Variants in ADCK1 observed in about 807,000 individuals in gnomAD.
The protein encoded by ADCK1 is aarF domain containing kinase 1.
A neutral mutation model predicts 52.3 loss-of-function variants in ADCK1; 41 were observed. That is an observed-to-expected ratio of 0.78 (90% CI 0.61 to 1.02). The LOEUF (loss-of-function observed/expected upper bound fraction) is 1.02, where lower values mean the gene tolerates loss of function less well. ADCK1 is among the 50% of genes least tolerant of loss of function. ADCK1 has a pLI of 0.00. For missense variants in ADCK1, 658 were observed against 679.5 expected, an observed-to-expected ratio of 0.97 and a Z score of 0.35; for synonymous variants, 250 against 274.6, an observed-to-expected ratio of 0.91 and a Z score of 0.89.
intron 1 of ADCK1, among the ~76,000 whole-genome samples, chr14:77,812,020 A>G (rs1429295318): frequency 2.0e-5 from 3 of 152,134 alleles, no homozygotes; most frequent in African/African-American, 4.8e-5. Context: ...TTGACAAATA[A>G]TTGTATCTAT....
At chr14:77,908,065 T>G (rs1350531507) in intron 7 of ADCK1, 146 bp downstream of exon 7, 1 of 654,260 alleles carries the variant, frequency 1.5e-6, no homozygotes, top group Admixed American at 2.9e-5. Flanking sequence ...TTATAAACTT[T>G]GAGCAAGAAA....
Position 77,871,081 on chromosome 14 carries a change from G to C in ADCK1, c.423+11802G>C, listed in dbSNP as rs528635452. On this transcript the variant is annotated intron_variant, in intron 4 of 10. Transcript: ENST00000238561. ...TGGCCAACATGGCCAAATGAGTGAGGAATACATGCTTGTCTTAGTTTGGGC... is the reference window on the plus strand; with the variant it reads ...TGGCCAACATGGCCAAATGAGTGAGCAATACATGCTTGTCTTAGTTTGGGC... Among the ~76,000 whole-genome samples, 4 of 152,322 alleles carry C rather than the reference G, an allele frequency of 2.6e-5. No individual in the cohort carries two copies. In the South Asian group the frequency reaches 8.3e-4, roughly 32 times the overall value.
At chr14:77,804,275 T>TATTTCAC (rs1283054063) in intron 1 of ADCK1, among the ~76,000 whole-genome samples, 1 of 152,108 alleles carries the variant, frequency 6.6e-6, no homozygotes, top group Non-Finnish European at 1.5e-5. Flanking sequence ...TTGACAGACA[T>TATTTCAC]ATTTCACGCC....
chr14:77,832,122 C>A (rs1159037090), intron 3 of ADCK1, among the ~76,000 whole-genome samples: 1 of 152,096 alleles, frequency 6.6e-6, no homozygotes, highest in Non-Finnish European at 1.5e-5. Context: ...GGACTACTGG[C>A]GCATGCCACC....
At chr14:77,869,156 A>G (rs2082722927) in intron 4 of ADCK1, among the ~76,000 whole-genome samples, 1 of 152,102 alleles carries the variant, frequency 6.6e-6, no homozygotes, top group African/African-American at 2.4e-5. Context: ...CTTTGGTTGG[A>G]TGGCGTATTG....
At chr14:77,823,639 C>G (rs2081629152) in intron 3 of ADCK1, among the ~76,000 whole-genome samples, 1 of 151,300 alleles carries the variant, frequency 6.6e-6, no homozygotes, top group African/African-American at 2.4e-5. Flanking sequence ...GTGGTGTGAT[C>G]TCGGCTCATT....
At chr14:77,862,266 C>G (rs943054198) in intron 4 of ADCK1, among the ~76,000 whole-genome samples, 1 of 152,188 alleles carries the variant, frequency 6.6e-6, no homozygotes, top group Non-Finnish European at 1.5e-5. Flanking sequence ...GAGGTGGGGT[C>G]GTTTCTGCCT....
chr14:77,839,387 GA>G (rs775610213), intron 3 of ADCK1, among the ~76,000 whole-genome samples: 1 of 152,148 alleles, frequency 6.6e-6, no homozygotes, highest in South Asian at 2.1e-4. Flanking sequence ...CAGGTTCCGG[GA>G]AATGGCAAGC....
At chr14:77,872,385 C>T (rs1056891690) in intron 4 of ADCK1, among the ~76,000 whole-genome samples, 7 of 152,194 alleles carry the variant, frequency 4.6e-5, no homozygotes, top group African/African-American at 1.4e-4. Context: ...CGAGGTTGGG[C>T]GGGGCCAGCA....
intron 7 of ADCK1, 170 bp downstream of exon 7, chr14:77,908,089 C>T (rs749406871): frequency 7.0e-6 from 4 of 570,868 alleles, no homozygotes; most frequent in South Asian, 2.0e-5. Context: ...TCTTTCAGGT[C>T]ATTTAGGCCA....
chr14:77,830,279 G>A (rs937382036), intron 3 of ADCK1, among the ~76,000 whole-genome samples: 6 of 150,800 alleles, frequency 4.0e-5, no homozygotes, highest in African/African-American at 9.7e-5. Flanking sequence ...TCAGCCTCCC[G>A]AGTAGCTAGG....
At chr14:77,813,958 G>C (rs1316171878) in intron 1 of ADCK1, among the ~76,000 whole-genome samples, 1 of 151,988 alleles carries the variant, frequency 6.6e-6, no homozygotes, top group Non-Finnish European at 1.5e-5. Flanking sequence ...AGTAGAGACA[G>C]GGTTTTGCCA....
At chr14:77,894,738 T>TTTTTTTTG in intron 5 of ADCK1, among the ~76,000 whole-genome samples, 2 of 34,560 alleles carry the variant, frequency 5.8e-5, no homozygotes, top group African/African-American at 3.4e-4. Flanking sequence ...CTTTTCTTGT[T>TTTTTTTTG]TTTTTTTTTT....
chr14:77,842,219 C>T (rs2082083092), intron 3 of ADCK1, among the ~76,000 whole-genome samples: 1 of 152,036 alleles, frequency 6.6e-6, no homozygotes, highest in Non-Finnish European at 1.5e-5. Context: ...CCTGTAATTT[C>T]AGTGTGCATC....
At chr14:77,888,385 C>T (rs1046487539) in intron 5 of ADCK1, among the ~76,000 whole-genome samples, 2 of 152,160 alleles carry the variant, frequency 1.3e-5, no homozygotes, top group Non-Finnish European at 2.9e-5. Flanking sequence ...ATGGTCAACA[C>T]TCACTACATA....
chr14:77,899,327 C>T, intron 6 of ADCK1, 69 bp downstream of exon 6: 2 of 1,569,670 alleles, frequency 1.3e-6, no homozygotes, highest in Admixed American at 3.5e-5. Context: ...TGGGTCCCTG[C>T]CTTGAGCATC....
intron 1 of ADCK1, among the ~76,000 whole-genome samples, chr14:77,817,805 G>A (rs141989263): frequency 0.033 from 4,946 of 151,336 alleles, 122 homozygotes; most frequent in Non-Finnish European, 0.052. Context: ...GCGCAATCTC[G>A]GCTTACTGCA....
At chr14:77,858,545 A>G (rs1432253729) in intron 3 of ADCK1, among the ~76,000 whole-genome samples, 3 of 152,062 alleles carry the variant, frequency 2.0e-5, no homozygotes, top group Non-Finnish European at 2.9e-5. Context: ...TGGCCTAGTG[A>G]TTTCCTTAGC....
chr14:77,834,299 C>A (rs1399237384), intron 3 of ADCK1, among the ~76,000 whole-genome samples: 1 of 152,044 alleles, frequency 6.6e-6, no homozygotes, highest in Non-Finnish European at 1.5e-5. Context: ...TTCTGGGTAC[C>A]AGCTGAAATT....
Sources: allele counts gnomAD v4.1 joint callset (sites outside exome capture counted in the v4.1 genomes callset), GRCh38; gene constraint gnomAD v4.1.1; transcripts MANE v1.5; gene names NCBI Gene and HGNC (gene_info 2026-07-23, HGNC 2026-07-21).